The following PRSS12 variants were observed in gnomAD, a reference collection of about 807,000 sequenced individuals.
PRSS12 encodes serine protease 12, also known as neurotrypsin.
In PRSS12, 85 loss-of-function variants were observed where a neutral mutation model predicts 104.4. The observed-to-expected ratio is 0.81, with a 90% CI of 0.68 to 0.98. PRSS12 has a LOEUF of 0.98. Among genes scored for constraint, PRSS12 ranks in the 50% least tolerant of loss-of-function variants. The pLI, the probability that PRSS12 is intolerant of heterozygous loss-of-function variation, is 0.00. For synonymous variants in PRSS12, 454 were observed against 425.2 expected (o/e 1.07, Z -0.83); for missense variants, 1,141 against 1,139.2 (o/e 1.00, Z -0.02).
intron 8 of PRSS12, among the ~76,000 whole-genome samples, chr4:118,299,908 G>A (rs1416183218): frequency 6.7e-6 from 1 of 148,518 alleles, no homozygotes; most frequent in Non-Finnish European, 1.5e-5. Context: ...TTGAACCCAG[G>A]AGGCAGAGAT....
Position 118,338,370 on chromosome 4 carries a change from T to C in PRSS12, c.503-56A>G, listed in dbSNP as rs1724114549. Reference sequence around the variant, plus strand: ...AATAGTAAATAATCATTTGAACATATTGAGCCAGTCCTGGGTTAACATGAT... The same window carrying C: ...AATAGTAAATAATCATTTGAACATACTGAGCCAGTCCTGGGTTAACATGAT... On this transcript the variant is annotated intron_variant, in intron 1 of 12. Coordinates refer to ENST00000296498, the MANE Select transcript of PRSS12 (RefSeq NM_003619.4). 4 of 1,601,860 alleles carry C rather than the reference T, an allele frequency of 2.5e-6. No homozygotes were observed. In the African/African-American group the frequency reaches 4.0e-5, roughly 16 times the overall value.
rs760746759 is a variant in PRSS12 at position 118,298,861 on chromosome 4, G to T, written c.1709C>A (p.Thr570Lys). The change falls in exon 9 of 13, where the codon ACA (threonine) becomes AAA (lysine). Residue 570 changes from threonine to lysine, a missense_variant. Coordinates refer to ENST00000296498, the MANE Select transcript of PRSS12 (RefSeq NM_003619.4). ...GTCAGCCAAGGACCTCTCATTTCCT[G>T]TGCACTTCACATTATCCACATGGAT... is the stretch of plus-strand genomic sequence containing the variant. ...GPIHVDNVKC[T>K]GNERSLADCI... The T allele has an allele frequency of 4.3e-6, 7 of 1,614,070 alleles. No individual in the cohort carries two copies. The highest frequency in any genetic ancestry group is 5.9e-6 in the Non-Finnish European group (7 of 1,180,024).
At chr4:118,299,747 AAATAAAATAAATAAAATT>A (rs1166317196) in intron 8 of PRSS12, among the ~76,000 whole-genome samples, 606 of 46,422 alleles carry the variant, frequency 0.013, 5 homozygotes, top group African/African-American at 0.018. Context: ...AAAATAAAAT[AAATAAAATAAATAAAATT>A]AAATAAAATA....
intron 9 of PRSS12, among the ~76,000 whole-genome samples, chr4:118,296,871 T>C (rs946609495): frequency 5.3e-5 from 8 of 152,138 alleles, no homozygotes; most frequent in Admixed American, 4.6e-4. Flanking sequence ...ACACTGCAAA[T>C]TGTAAGATAT....
chr4:118,283,026 C>T lies in PRSS12; in HGVS notation c.2125G>A (p.Val709Ile), dbSNP rs779387783. Residue 709 changes from valine to isoleucine, a missense_variant, in exon 12 of 13, where the codon GTT (valine) becomes ATT (isoleucine). Physicochemically the swap from Val to Ile is conservative, Grantham distance 29 (BLOSUM62 3). Coordinates refer to ENST00000296498, the MANE Select transcript of PRSS12 (RefSeq NM_003619.4). ...VPEEFEEEIGVQQIVIHREYR... is the reference protein window; with the variant it reads ...VPEEFEEEIGIQQIVIHREYR... ...TCCCGATGAATCACAATCTGTTGAACTCCAATTTCTTCCTCAAACTCCTCT... is the reference window on the plus strand; with the variant it reads ...TCCCGATGAATCACAATCTGTTGAATTCCAATTTCTTCCTCAAACTCCTCT... The T allele has an allele frequency of 6.2e-7, 1 of 1,614,182 alleles. No homozygotes were observed. Among genetic ancestry groups the T allele is most frequent in the South Asian group, 1.1e-5 (1 of 91,088 alleles).
intron 7 of PRSS12, among the ~76,000 whole-genome samples, chr4:118,309,359 T>C (rs1165239326): frequency 6.6e-6 from 1 of 152,202 alleles, no homozygotes; most frequent in Non-Finnish European, 1.5e-5. Flanking sequence ...GGGTGAGCCC[T>C]AATCAAATAC....
intron 1 of PRSS12, among the ~76,000 whole-genome samples, chr4:118,348,501 A>G (rs915107071): frequency 3.9e-5 from 6 of 152,200 alleles, no homozygotes; most frequent in Non-Finnish European, 8.8e-5. Context: ...ATAGAAATGC[A>G]TGTTCCATTC....
chr4:118,311,206 T>C (rs1173200583), intron 7 of PRSS12, among the ~76,000 whole-genome samples: 1 of 152,178 alleles, frequency 6.6e-6, no homozygotes, highest in Non-Finnish European at 1.5e-5. Context: ...TCCATATTTT[T>C]ACCATCCCAG....
intron 6 of PRSS12, among the ~76,000 whole-genome samples, chr4:118,314,083 T>C (rs1395355643): frequency 6.6e-6 from 1 of 152,122 alleles, no homozygotes; most frequent in Non-Finnish European, 1.5e-5. Context: ...AAATTAGAAA[T>C]TAAGTCAATC....
At chr4:118,331,441 T>C (rs569311474) in intron 4 of PRSS12, among the ~76,000 whole-genome samples, 15 of 152,286 alleles carry the variant, frequency 9.8e-5, no homozygotes, top group Non-Finnish European at 2.1e-4. Flanking sequence ...TGCTGGTTAC[T>C]ACCTGGGAGT....
chr4:118,319,026 A>G (rs765278315), intron 4 of PRSS12, among the ~76,000 whole-genome samples: 1 of 152,018 alleles, frequency 6.6e-6, no homozygotes, highest in Non-Finnish European at 1.5e-5. Flanking sequence ...CCCAAATAAA[A>G]TTGTGCTCCT....
At position 118,298,882 on chromosome 4, in the gene PRSS12, T is replaced by C. The variant is rs750446857; in HGVS notation, c.1688A>G (p.His563Arg). ...AYFGEGKGPIHVDNVKCTGNE... is the reference protein window; with the variant it reads ...AYFGEGKGPIRVDNVKCTGNE... ...TCCTGTGCACTTCACATTATCCACATGGATGGGTCCTTTTCCTTCTCCAAA... is the reference window on the plus strand; with the variant it reads ...TCCTGTGCACTTCACATTATCCACACGGATGGGTCCTTTTCCTTCTCCAAA... Residue 563 changes from histidine (H) to arginine (R), a missense_variant, in exon 9 of 13, where the codon CAT becomes CGT. By Grantham distance (29) the His-to-Arg change is conservative. Coordinates refer to ENST00000296498, the MANE Select transcript of PRSS12 (RefSeq NM_003619.4). 2 of 1,614,180 alleles carry C rather than the reference T, an allele frequency of 1.2e-6. No individual in the cohort carries two copies. Among genetic ancestry groups the C allele is most frequent in the Non-Finnish European group, 1.7e-6 (2 of 1,180,032 alleles).
At chr4:118,323,596 T>C (rs1326682808) in intron 4 of PRSS12, among the ~76,000 whole-genome samples, 1 of 151,874 alleles carries the variant, frequency 6.6e-6, no homozygotes, top group African/African-American at 2.4e-5. Context: ...ATAGTTTTTA[T>C]AACCTTGGAT....
rs1395186612 is a variant in PRSS12 at position 118,313,263 on chromosome 4, C to T, written c.1427G>A (p.Ser476Asn). The change falls in exon 7 of 13, where the codon AGC becomes AAC. Residue 476 changes from serine to asparagine, a missense_variant. Transcript: ENST00000296498. ...SRRQWGRHDCSHREDVSIACY... is the reference protein window; with the variant it reads ...SRRQWGRHDCNHREDVSIACY... Reference sequence around the variant, plus strand: ...GGCAATGCTAACATCTTCGCGGTGGCTGCAGTCATGCCTTCCCCACTGTCG... The same window carrying T: ...GGCAATGCTAACATCTTCGCGGTGGTTGCAGTCATGCCTTCCCCACTGTCG... 5 of 1,614,118 alleles carry T rather than the reference C, an allele frequency of 3.1e-6. No homozygotes were observed. Among genetic ancestry groups the T allele is most frequent in the Non-Finnish European group, 2.5e-6 (3 of 1,180,016 alleles).
intron 1 of PRSS12, among the ~76,000 whole-genome samples, chr4:118,339,321 T>C (rs377230682): frequency 1.3e-5 from 2 of 152,088 alleles, no homozygotes; most frequent in East Asian, 1.9e-4. Flanking sequence ...ATTTAAAAAA[T>C]CAATCCTACC....
At chr4:118,344,744 T>G (rs962230700) in intron 1 of PRSS12, among the ~76,000 whole-genome samples, 1 of 152,226 alleles carries the variant, frequency 6.6e-6, no homozygotes, top group Non-Finnish European at 1.5e-5. Flanking sequence ...GTGTGCTGAT[T>G]AGAAATTTAT....
intron 11 of PRSS12, 43 bp downstream of exon 11, chr4:118,294,896 G>T (rs770717600): frequency 9.3e-6 from 15 of 1,612,100 alleles, no homozygotes; most frequent in Non-Finnish European, 1.3e-5. Context: ...AAGAACTGAT[G>T]AATAGAAGCT....
Position 118,282,002 on chromosome 4 carries a change from A to C in PRSS12, c.2562T>G (p.Asp854Glu). The C allele has an allele frequency of 1.9e-6, 3 of 1,593,118 alleles. No homozygotes were observed. The highest frequency in any genetic ancestry group is 1.7e-6 in the Non-Finnish European group (2 of 1,160,826). Residue 854 changes from aspartate (D) to glutamate (E), a missense_variant, in exon 13 of 13, where the codon GAT becomes GAG. Asp to Glu is a conservative substitution (Grantham distance 45, BLOSUM62 2). Transcript: ENST00000296498. ...AGACTTTGGTATAAACACCAGGAGA[A>C]TCCTTGACTCCACAGCCATACCCCC... ...TSWGYGCGVK[D>E]SPGVYTKVSA... is the part of the protein sequence containing the mutation.
chr4:118,320,001 A>G (rs1478041146), intron 4 of PRSS12, among the ~76,000 whole-genome samples: 1 of 152,136 alleles, frequency 6.6e-6, no homozygotes, highest in African/African-American at 2.4e-5. Context: ...TAACAAAAAC[A>G]TCTCTTTACT....
Sources: allele counts gnomAD v4.1 joint callset (sites outside exome capture counted in the v4.1 genomes callset), GRCh38; gene constraint gnomAD v4.1.1; transcripts MANE v1.5; gene names NCBI Gene and HGNC (gene_info 2026-07-23, HGNC 2026-07-21).